Variants in WDR46 observed in about 807,000 individuals in gnomAD.
WDR46 encodes WD repeat-containing protein 46.
A neutral mutation model predicts 74.7 loss-of-function variants in WDR46; 58 were observed. The ratio of observed to expected loss-of-function variants is 0.78; its 90% CI spans 0.63 to 0.97. The LOEUF (loss-of-function observed/expected upper bound fraction) is 0.97, where lower values mean the gene tolerates loss of function less well. Ranked by LOEUF, WDR46 falls within the 50% of genes least tolerant of loss-of-function variation. The pLI is 0.00. For synonymous variants in WDR46, 278 were observed against 297.3 expected (o/e 0.93, Z 0.67); for missense variants, 702 against 790.1 (o/e 0.89, Z 1.34).
Position 33,288,429 on chromosome 6 carries a change from C to G in WDR46, c.402G>C (p.Val134=). ...TTGTTTCCTCTTCCTCAGCTTCAGC[C>G]ACCTCAAGTCGGCTTCGAGTTTTGG... ...SKAKTRSRLE[V]AEAEEEETSI... is the part of the protein sequence containing the mutation. Residue 134 remains valine, a synonymous_variant, in exon 4 of 15, where the codon GTG becomes GTC. Coordinates refer to ENST00000374617, the MANE Select transcript of WDR46 (RefSeq NM_005452.6). The G allele has an allele frequency of 6.2e-7, 1 of 1,614,180 alleles. No homozygotes were observed. Among genetic ancestry groups the G allele is most frequent in the Non-Finnish European group, 8.5e-7 (1 of 1,180,050 alleles).
intron 10 of WDR46, among the ~76,000 whole-genome samples, chr6:33,282,731 G>A (rs933895611): frequency 1.3e-5 from 2 of 152,060 alleles, no homozygotes; most frequent in African/African-American, 2.4e-5. Flanking sequence ...AGGCCTCAGC[G>A]AACTAGTGAT....
chr6:33,288,987 C>T lies in WDR46; in HGVS notation c.96G>A (p.Glu32=). ...AGGCTCCGGCTGTGGTCGGAACGGT[C>T]TCTTCCTCCCAGTATCGCCGCGGTT... ...RKKPRRYWEE[E]TVPTTAGASP... The change falls in exon 2 of 15, where the codon GAG becomes GAA. Residue 32 remains glutamate (E), a synonymous_variant. Transcript: ENST00000374617. 1.2e-6 allele frequency: 2 copies of T among 1,614,102 alleles called. No individual in the cohort carries two copies. Among genetic ancestry groups the T allele is most frequent in the Non-Finnish European group, 1.7e-6 (2 of 1,180,016 alleles).
Position 33,280,971 on chromosome 6 carries a change from CA to C in WDR46, c.1131del (p.Gly378AlafsTer2). ...AAGATCTTCAGCTGGTGGTCTAGGCCAGAGGTGGCCATGTACCTGGTGAGAG... is the reference window on the plus strand; with the variant it reads ...AAGATCTTCAGCTGGTGGTCTAGGCCGAGGTGGCCATGTACCTGGTGAGAG... ...VDSTGTYMAT[S>X]GLDHQLKIFD... On this transcript the variant is annotated frameshift_variant, in exon 11 of 15. Coordinates refer to ENST00000374617, the MANE Select transcript of WDR46 (RefSeq NM_005452.6). LOFTEE classifies it high-confidence loss of function. 1.9e-6 allele frequency: 3 copies of C among 1,607,674 alleles called. No homozygotes were observed. The highest frequency in any genetic ancestry group is 2.6e-6 in the Non-Finnish European group (3 of 1,175,902).
At chr6:33,279,410 G>T in intron 14 of WDR46, 36 bp from the exon 15 acceptor site, 1 of 1,612,234 alleles carries the variant, frequency 6.2e-7, no homozygotes, top group Non-Finnish European at 8.5e-7. Context: ...CAGGCACAGA[G>T]TGAGAAGTGG....
Position 33,280,930 on chromosome 6 carries a change from CGTCCCTCGCAA to C in WDR46, c.1162_1172del (p.Leu388ValfsTer30). On this transcript the variant is annotated frameshift_variant, in exon 11 of 15. Coordinates refer to ENST00000374617, the MANE Select transcript of WDR46 (RefSeq NM_005452.6). LOFTEE classifies it high-confidence loss of function. ...GGGTCCGAGTGCTCAGAGGCTGGTACGTCCCTCGCAAGTCAAAGATCTTCAGCTGGTGGTCT... is the reference window on the plus strand; with the variant it reads ...GGGTCCGAGTGCTCAGAGGCTGGTACGTCAAAGATCTTCAGCTGGTGGTCT... The C allele has an allele frequency of 1.2e-6, 2 of 1,613,938 alleles. No individual in the cohort carries two copies. The highest frequency in any genetic ancestry group is 1.7e-6 in the Non-Finnish European group (2 of 1,179,898).
In WDR46 at chr6:33,286,812, T is replaced by C; in HGVS notation, c.1098A>G (p.Ala366=). ...LCHRGGVRAV[A]VDSTGTYMAT... is the part of the protein sequence containing the mutation. ...TGACTTACGTGCCTGTAGAATCTAC[T>C]GCCACAGCCCGGACCCCACCACGAT... The change falls in exon 10 of 15, where the codon GCA becomes GCG. Residue 366 remains alanine (A), a synonymous_variant. Coordinates refer to ENST00000374617, the MANE Select transcript of WDR46 (RefSeq NM_005452.6). 1 of 1,614,110 alleles carries C rather than the reference T, an allele frequency of 6.2e-7. No homozygotes were observed. Among genetic ancestry groups the C allele is most frequent in the Non-Finnish European group, 8.5e-7 (1 of 1,180,018 alleles).
intron 4 of WDR46, 24 bp from the exon 5 acceptor site, chr6:33,288,259 A>AG (rs766283695): frequency 1.2e-6 from 2 of 1,614,120 alleles, no homozygotes; most frequent in Non-Finnish European, 1.7e-6. Flanking sequence ...TTAGGATGGC[A>AG]GTAAAGCTTC....
chr6:33,289,113 T>C lies in WDR46; in HGVS notation c.58A>G (p.Thr20Ala). The C allele has an allele frequency of 6.2e-7, 1 of 1,613,238 alleles. No homozygotes were observed. Among genetic ancestry groups the C allele is most frequent in the Non-Finnish European group, 8.5e-7 (1 of 1,179,586 alleles). Residue 20 changes from threonine (T) to alanine (A), a missense_variant, in exon 1 of 15, where the codon ACC becomes GCC. Thr to Ala is a moderately conservative substitution (Grantham distance 58). Transcript: ENST00000374617. The stretch of plus-strand genomic sequence containing the variant: ...AGGGAGGCCTCTACCTTTCTCTTGG[T>C]CTGAAGTTTGTCTTTCTTGGGCGGG... Reference protein sequence around the residue: ...DVPPKKDKLQTKRKKPRRYWE... With the variant: ...DVPPKKDKLQAKRKKPRRYWE...
intron 10 of WDR46, among the ~76,000 whole-genome samples, chr6:33,281,316 C>T (rs776602144): frequency 6.6e-6 from 1 of 151,924 alleles, no homozygotes; most frequent in Non-Finnish European, 1.5e-5. Flanking sequence ...GGAACGCCCA[C>T]ACGACAGGCT....
At position 33,279,584 on chromosome 6, in the gene WDR46, G is replaced by A; in HGVS notation, c.1647C>T (p.Pro549=). 1 of 1,614,152 alleles carries A rather than the reference G, an allele frequency of 6.2e-7. No homozygotes were observed. The highest frequency in any genetic ancestry group is 8.5e-7 in the Non-Finnish European group (1 of 1,180,042). The change falls in exon 14 of 15, where the codon CCC becomes CCT. Residue 549 remains proline (P), a synonymous_variant. Coordinates refer to ENST00000374617, the MANE Select transcript of WDR46 (RefSeq NM_005452.6). ...CCTTCTGCTTTGGCTTTGGCTGGAA[G>A]GGAGCCTTAGCCTGCGGGTCATAGC... The part of the protein sequence containing the change: ...RLGYDPQAKA[P]FQPKPKQKGR...
chr6:33,283,256 G>C (rs919794871), intron 10 of WDR46, among the ~76,000 whole-genome samples: 1 of 152,020 alleles, frequency 6.6e-6, no homozygotes, highest in Non-Finnish European at 1.5e-5. Flanking sequence ...GGTGGTGGGG[G>C]GGGTGGTCCC....
intron 10 of WDR46, among the ~76,000 whole-genome samples, chr6:33,285,233 C>T: frequency 6.6e-6 from 1 of 151,958 alleles, no homozygotes; most frequent in East Asian, 1.9e-4. Flanking sequence ...GACCGGGTCT[C>T]ACTCTGTTGC....
Position 33,280,680 on chromosome 6 carries a change from C to G in WDR46, c.1423G>C (p.Val475Leu). ...CATCCCCTGGCCCACTCACCAGGGACCAGCATGCTGGTGATGCCCCCAGTG... is the reference window on the plus strand; with the variant it reads ...CATCCCCTGGCCCACTCACCAGGGAGCAGCATGCTGGTGATGCCCCCAGTG... ...GHTGGITSMLVPGAGEPNFDG... is the reference protein window; with the variant it reads ...GHTGGITSMLLPGAGEPNFDG... The change falls in exon 11 of 15, where the codon GTC becomes CTC. Residue 475 changes from valine (V) to leucine (L), a missense_variant. Coordinates refer to ENST00000374617, the MANE Select transcript of WDR46 (RefSeq NM_005452.6). The G allele has an allele frequency of 6.3e-7, 1 of 1,583,238 alleles. No individual in the cohort carries two copies. The highest frequency in any genetic ancestry group is 8.6e-7 in the Non-Finnish European group (1 of 1,161,488).
rs765801672 is a variant in WDR46, at chr6:33,288,468, T to C, written c.363A>G (p.Leu121=). 1 of 1,614,050 alleles carries C rather than the reference T, an allele frequency of 6.2e-7. No individual in the cohort carries two copies. The highest frequency in any genetic ancestry group is 1.1e-5 in the South Asian group (1 of 91,084). The change falls in exon 4 of 15, where the codon CTA becomes CTG. Residue 121 remains leucine, a splice_region_variant and synonymous_variant. Coordinates refer to ENST00000374617, the MANE Select transcript of WDR46 (RefSeq NM_005452.6). ...TTCGAGTTTTGGCTTTAGAATGTGG[T>C]AGCTGTAACATTGTTGGTGGGGAGG... ...KFCRIDKSRK[L]PHSKAKTRSR... is the part of the protein sequence containing the mutation.
chr6:33,284,783 T>G (rs1331655534), intron 10 of WDR46: 2 of 153,468 alleles, frequency 1.3e-5, no homozygotes, highest in Non-Finnish European at 2.9e-5. Context: ...GTGAAAACCG[T>G]ATGAAATTCA....
chr6:33,287,069 C>A (rs372460246), intron 9 of WDR46, 22 bp downstream of exon 9: 73 of 1,606,052 alleles, frequency 4.5e-5, no homozygotes, highest in South Asian at 8.9e-5. Context: ...TGGTCAGAGT[C>A]AAAACTAAGC....
At chr6:33,288,545 C>T in intron 3 of WDR46, 69 bp downstream of exon 3, 4 of 1,608,596 alleles carry the variant, frequency 2.5e-6, no homozygotes, top group African/African-American at 1.3e-5. Flanking sequence ...CTACCTGTCC[C>T]AGCCTCCATC....
chr6:33,280,096 G>T (rs1765999546), intron 12 of WDR46, among the ~76,000 whole-genome samples: 1 of 151,330 alleles, frequency 6.6e-6, no homozygotes, highest in Non-Finnish European at 1.5e-5. Context: ...CAGCAGGGGG[G>T]AACCTGACCC....
chr6:33,288,081 G>A, intron 5 of WDR46, 55 bp from the exon 6 acceptor site: 1 of 1,613,666 alleles, frequency 6.2e-7, no homozygotes, highest in Non-Finnish European at 8.5e-7. Flanking sequence ...CCTTCTTCTA[G>A]CCCCCATTCC....
Sources: allele counts gnomAD v4.1 joint callset (sites outside exome capture counted in the v4.1 genomes callset), GRCh38; gene constraint gnomAD v4.1.1; transcripts MANE v1.5; gene names NCBI Gene and HGNC (gene_info 2026-07-23, HGNC 2026-07-21).